Variants in CERKL observed in about 807,000 individuals in gnomAD.
CERKL encodes CERK like autophagy regulator, also known as ceramide kinase-like protein.
CERKL carries 61 observed loss-of-function variants against 63.4 expected under a neutral mutation model. The observed-to-expected ratio is 0.96, with a 90% CI of 0.78 to 1.19. CERKL has a LOEUF of 1.19. Ranked by LOEUF, CERKL falls within the 50% of genes most tolerant of loss-of-function variation. CERKL has a pLI of 0.00. For missense variants in CERKL, 675 were observed against 655.5 expected (o/e 1.03, Z -0.33); for synonymous variants, 250 against 230.5 (o/e 1.08, Z -0.77).
intron 2 of CERKL, among the ~76,000 whole-genome samples, chr2:181,599,959 C>T (rs1303521409): frequency 6.6e-6 from 1 of 152,024 alleles, no homozygotes; most frequent in Non-Finnish European, 1.5e-5. Context: ...AGAAAAGGGC[C>T]AAATTACCTA....
rs548192967 is a variant in CERKL at position 181,549,669 on chromosome 2, G to T, written c.860C>A (p.Pro287His). The T allele has an allele frequency of 6.2e-7, 1 of 1,612,480 alleles. No individual in the cohort carries two copies. Among genetic ancestry groups the T allele is most frequent in the African/African-American group, 1.3e-5 (1 of 74,946 alleles). The part of the protein sequence containing the change: ...NVLAHSLHGV[P>H]HVITATLHII... ...GTGCAATGTTGCAGTTATCACATGA[G>T]GAACTCCATGAAGAGAATGTGCCAA... The change falls in exon 6 of 13, where the codon CCT (proline) becomes CAT (histidine). Residue 287 changes from proline (P) to histidine (H), a missense_variant. By Grantham distance (77) the Pro-to-His change is moderately conservative. Coordinates refer to ENST00000410087, the MANE Select transcript of CERKL (RefSeq NM_201548.5).
chr2:181,578,198 G>A (rs754626069), intron 2 of CERKL, among the ~76,000 whole-genome samples: 2 of 151,206 alleles, frequency 1.3e-5, no homozygotes, highest in Non-Finnish European at 2.9e-5. Context: ...ATACACACAC[G>A]TATATATATA....
intron 8 of CERKL, 150 bp from the exon 9 acceptor site, chr2:181,547,997 G>GTC: frequency 1.7e-6 from 1 of 590,034 alleles, no homozygotes; most frequent in Non-Finnish European, 2.6e-6. Flanking sequence ...AAGTAAAAAC[G>GTC]TACAATTTTG....
intron 11 of CERKL, among the ~76,000 whole-genome samples, chr2:181,544,372 T>C (rs1559069706): frequency 6.6e-6 from 1 of 152,216 alleles, no homozygotes; most frequent in Non-Finnish European, 1.5e-5. Flanking sequence ...CTCTCAAATT[T>C]CACTTCTTTT....
chr2:181,552,305 C>T (rs1241508622), intron 5 of CERKL, among the ~76,000 whole-genome samples: 1 of 152,144 alleles, frequency 6.6e-6, no homozygotes, highest in Non-Finnish European at 1.5e-5. Context: ...TCCCCATAAT[C>T]CCCACATGTC....
intron 2 of CERKL, among the ~76,000 whole-genome samples, chr2:181,574,544 G>C (rs1689041961): frequency 6.6e-6 from 1 of 152,188 alleles, no homozygotes; most frequent in African/African-American, 2.4e-5. Flanking sequence ...CCTCACAGTT[G>C]GGGCTGAGAT....
chr2:181,550,765 C>T lies in CERKL; in HGVS notation c.821-1057G>A, dbSNP rs1183610184. Among the ~76,000 whole-genome samples, 1 of 151,990 alleles carries T rather than the reference C, an allele frequency of 6.6e-6. No homozygotes were observed. Among genetic ancestry groups the T allele is most frequent in the East Asian group, 1.9e-4 (1 of 5,188 alleles). On this transcript the variant is annotated intron_variant, in intron 5 of 12. Coordinates refer to ENST00000410087, the MANE Select transcript of CERKL (RefSeq NM_201548.5). This position sits in a 1 kb window ranked among gnomAD's most constrained non-coding sequence, Gnocchi z 4.5. ...CTGAGGCAGCTTAGCCATTATCAACCAAGAGGTCATTAATATCATAATTTT... is the reference window on the plus strand; with the variant it reads ...CTGAGGCAGCTTAGCCATTATCAACTAAGAGGTCATTAATATCATAATTTT...
At chr2:181,609,473 A>G (rs1223257794) in intron 1 of CERKL, among the ~76,000 whole-genome samples, 1 of 148,624 alleles carries the variant, frequency 6.7e-6, no homozygotes, top group African/African-American at 2.5e-5. Context: ...AGAAGGGCAG[A>G]TCACCTGAGA....
intron 1 of CERKL, among the ~76,000 whole-genome samples, chr2:181,648,150 G>A (rs1687746360): frequency 6.6e-6 from 1 of 152,072 alleles, no homozygotes; most frequent in African/African-American, 2.4e-5. Context: ...AAATATTGGG[G>A]GAGATATAGA....
At chr2:181,578,255 T>TGG (rs1239941352) in intron 2 of CERKL, among the ~76,000 whole-genome samples, 8 of 128,002 alleles carry the variant, frequency 6.2e-5, no homozygotes, top group African/African-American at 2.5e-4. Context: ...TATATATGTG[T>TGG]GTGGGGGGGT....
intron 2 of CERKL, among the ~76,000 whole-genome samples, chr2:181,600,681 C>T (rs1685420642): frequency 6.6e-6 from 1 of 152,134 alleles, no homozygotes; most frequent in Admixed American, 6.5e-5. Context: ...TAAATATGCA[C>T]TCAATGTTGG....
intron 2 of CERKL, among the ~76,000 whole-genome samples, chr2:181,584,038 ATTTAC>A: frequency 6.6e-6 from 1 of 152,320 alleles, no homozygotes; most frequent in Admixed American, 6.5e-5. Flanking sequence ...AATATCAACA[ATTTAC>A]TTTAGAACAC....
chr2:181,592,617 A>G (rs1685033603), intron 2 of CERKL, among the ~76,000 whole-genome samples: 1 of 152,218 alleles, frequency 6.6e-6, no homozygotes, highest in African/African-American at 2.4e-5. Flanking sequence ...TTCTCTCTGC[A>G]GCAACATTAC....
intron 4 of CERKL, among the ~76,000 whole-genome samples, chr2:181,559,936 G>A (rs1251027293): frequency 6.6e-6 from 1 of 152,154 alleles, no homozygotes; most frequent in Non-Finnish European, 1.5e-5. Context: ...CCCAGGTCAT[G>A]TTTGATTAGG....
rs532478920 is a variant in CERKL, at chr2:181,628,702, C to T, written c.239-24623G>A. Reference sequence around the variant, plus strand: ...GCAAGTTCATTTTCCTTTTAATGTACGTATTTTAGAATTAGATTTTGTAAT... The same window carrying T: ...GCAAGTTCATTTTCCTTTTAATGTATGTATTTTAGAATTAGATTTTGTAAT... On this transcript the variant is annotated intron_variant, in intron 1 of 12. Coordinates refer to ENST00000410087, the MANE Select transcript of CERKL (RefSeq NM_201548.5). Among the ~76,000 whole-genome samples, 8 of 152,200 alleles carry T rather than the reference C, an allele frequency of 5.3e-5. No individual in the cohort carries two copies. In the East Asian group the frequency reaches 1.2e-3, roughly 22 times the overall value.
At chr2:181,620,771 G>T (rs1438448258) in intron 1 of CERKL, among the ~76,000 whole-genome samples, 1 of 152,160 alleles carries the variant, frequency 6.6e-6, no homozygotes, top group Non-Finnish European at 1.5e-5. Context: ...GTGCACAGTG[G>T]CAGGGAATAG....
chr2:181,647,137 G>C (rs1574066225), intron 1 of CERKL, among the ~76,000 whole-genome samples: 1 of 152,152 alleles, frequency 6.6e-6, no homozygotes, highest in African/African-American at 2.4e-5. Context: ...GATGGGATGG[G>C]TTTGCCTTCA....
At chr2:181,624,209 C>T (rs1052861614) in intron 1 of CERKL, among the ~76,000 whole-genome samples, 5 of 151,966 alleles carry the variant, frequency 3.3e-5, no homozygotes, top group South Asian at 2.1e-4. Context: ...TGCAGAAGAA[C>T]GATGTGCTCT....
At chr2:181,626,689 A>G (rs116764156) in intron 1 of CERKL, among the ~76,000 whole-genome samples, 5 of 152,266 alleles carry the variant, frequency 3.3e-5, no homozygotes, top group African/African-American at 4.8e-5. Flanking sequence ...ATCATGTTAA[A>G]AAGGAAAGCA....
Sources: allele counts gnomAD v4.1 joint callset (sites outside exome capture counted in the v4.1 genomes callset), GRCh38; gene constraint gnomAD v4.1.1; non-coding constraint Gnocchi (gnomAD v3.1); transcripts MANE v1.5; gene names NCBI Gene and HGNC (gene_info 2026-07-23, HGNC 2026-07-21).